COL4A2: variants seen among roughly 807,000 people sequenced by gnomAD.
COL4A2 encodes collagen type IV alpha 2 chain.
Under a neutral mutation model 200.2 loss-of-function variants are expected in COL4A2, and 99 were observed. The ratio of observed to expected loss-of-function variants is 0.49; its 90% CI spans 0.42 to 0.58. The LOEUF is 0.58. COL4A2 is among the 20% of genes least tolerant of loss of function. The pLI is 0.00. For synonymous variants in COL4A2, 897 were observed against 900.6 expected (o/e 1.00, Z 0.07); for missense variants, 1,950 against 2,314.1 (o/e 0.84, Z 3.23).
intron 6 of COL4A2, among the ~76,000 whole-genome samples, chr13:110,426,612 G>A (rs1880479228): frequency 6.6e-6 from 1 of 152,158 alleles, no homozygotes; most frequent in Non-Finnish European, 1.5e-5. Flanking sequence ...ATATAGCAGT[G>A]AATCTAATTT....
chr13:110,456,566 A>G, intron 20 of COL4A2: 1 of 358,914 alleles, frequency 2.8e-6, no homozygotes, highest in Non-Finnish European at 5.5e-6. Context: ...GCAGACTCTT[A>G]TATTTCTTTC....
chr13:110,417,929 T>A (rs1880104394), intron 4 of COL4A2, among the ~76,000 whole-genome samples: 1 of 152,072 alleles, frequency 6.6e-6, no homozygotes, highest in Non-Finnish European at 1.5e-5. Context: ...GGAGTGGGAT[T>A]GTTGGGTCCT....
chr13:110,504,198 TC>T lies in COL4A2; in HGVS notation c.4337del (p.Ser1446LeufsTer13). ...KAGPQGRGGV[S>X]AVPGFRGDEG... ...TGGGCCCCAAGGAAGAGGTGGTGTG[TC>T]TGCTGTTCCCGGCTTCCGGGGAGAT... On this transcript the variant is annotated frameshift_variant, in exon 45 of 48. Coordinates refer to ENST00000360467, the MANE Select transcript of COL4A2 (RefSeq NM_001846.4). LOFTEE classifies it high-confidence loss of function. The T allele has an allele frequency of 6.2e-7, 1 of 1,614,106 alleles. No homozygotes were observed. Among genetic ancestry groups the T allele is most frequent in the Non-Finnish European group, 8.5e-7 (1 of 1,180,008 alleles).
chr13:110,356,354 A>G (rs901149778), intron 3 of COL4A2, among the ~76,000 whole-genome samples: 1 of 152,174 alleles, frequency 6.6e-6, no homozygotes, highest in Non-Finnish European at 1.5e-5. Context: ...AAGAAAGTGG[A>G]CTTCCTCTGC....
In COL4A2 at chr13:110,458,853, A is replaced by G. The variant is rs765359924; in HGVS notation, c.1515A>G (p.Ala505=). The G allele has an allele frequency of 1.9e-6, 3 of 1,613,504 alleles. No homozygotes were observed. The highest frequency in any genetic ancestry group is 4.5e-5 in the East Asian group (2 of 44,830). The change falls in exon 22 of 48, where the codon GCA becomes GCG. Residue 505 remains alanine, a synonymous_variant. Coordinates refer to ENST00000360467, the MANE Select transcript of COL4A2 (RefSeq NM_001846.4). ...LPGLPGPKGF[A]GINGEPGRKG... ...GACTGCCAGGACCCAAGGGCTTCGC[A>G]GGCATCAACGGGGAGCCGGGGAGGA...
At chr13:110,469,052 G>A (rs542231596) in intron 27 of COL4A2, among the ~76,000 whole-genome samples, 165 bp from the exon 28 acceptor site, 1 of 152,294 alleles carries the variant, frequency 6.6e-6, no homozygotes, top group South Asian at 2.1e-4. Context: ...TTTAAACACT[G>A]AAAATCATTC....
chr13:110,349,794 C>T (rs933502128), intron 3 of COL4A2, among the ~76,000 whole-genome samples: 1 of 151,716 alleles, frequency 6.6e-6, no homozygotes, highest in Admixed American at 6.6e-5. Flanking sequence ...GACACAGTCT[C>T]ACTCCGTCAC....
chr13:110,493,826 G>C (rs1029343332), intron 39 of COL4A2, among the ~76,000 whole-genome samples: 2 of 151,880 alleles, frequency 1.3e-5, no homozygotes, highest in African/African-American at 2.4e-5. Context: ...TTCTGGGGGG[G>C]GCCGCGTCCT....
intron 16 of COL4A2, among the ~76,000 whole-genome samples, chr13:110,441,019 G>C (rs80254748): frequency 0.01 from 1,582 of 152,296 alleles, 20 homozygotes; most frequent in African/African-American, 0.034. Flanking sequence ...ATTTCCTTAC[G>C]CCCTCGAGGT....
intron 4 of COL4A2, among the ~76,000 whole-genome samples, chr13:110,404,236 C>T (rs1879480998): frequency 6.6e-6 from 1 of 152,212 alleles, no homozygotes; most frequent in Admixed American, 6.5e-5. Flanking sequence ...TAGTATTGCT[C>T]ATTGCCTTTT....
In COL4A2 at chr13:110,331,677, A is replaced by G. The variant is rs78155268; in HGVS notation, c.99+23554A>G. Among the ~76,000 whole-genome samples the G allele has an allele frequency of 4.7e-4, 72 of 152,278 alleles. No individual in the cohort carries two copies. The East Asian group carries it at 0.014, about 29-fold the overall frequency. ...AGGAGGAATGGAGGCAATATTCCAA[A>G]CACCGACTCAAAACCACCAACAAAA... On this transcript the variant is annotated intron_variant, in intron 3 of 47. Transcript: ENST00000360467.
At position 110,508,327 on chromosome 13, in the gene COL4A2, C is replaced by G. The variant is rs527297409; in HGVS notation, c.4881+106C>G. ...ATCAGACACGGCAGTCCAGGGTGTG[C>G]ACTGCACAAGGGTAGTTGGCCCAGG... On this transcript the variant is annotated intron_variant, in intron 47 of 47. Coordinates refer to ENST00000360467, the MANE Select transcript of COL4A2 (RefSeq NM_001846.4). The surrounding 1 kb of genome is among the most constrained non-coding windows in gnomAD (Gnocchi z 6.1). The G allele has an allele frequency of 7.2e-6, 11 of 1,531,312 alleles. No homozygotes were observed. The East Asian group carries it at 2.5e-4, about 35-fold the overall frequency. The allele number at this position is 1,531,312 out of a possible 1,614,324, so 94.9% of individuals were successfully genotyped here.
At chr13:110,358,109 G>T (rs1048199219) in intron 4 of COL4A2, among the ~76,000 whole-genome samples, 39 of 152,156 alleles carry the variant, frequency 2.6e-4, no homozygotes, top group African/African-American at 9.2e-4. Flanking sequence ...GACTGTTTTT[G>T]CAATAACACT....
At chr13:110,479,607 C>G (rs1310460770) in intron 30 of COL4A2, among the ~76,000 whole-genome samples, 1 of 152,120 alleles carries the variant, frequency 6.6e-6, no homozygotes, top group African/African-American at 2.4e-5. Context: ...GTTGGAGCCC[C>G]GAGGCAGAGG....
chr13:110,446,934 T>C, intron 18 of COL4A2, 70 bp downstream of exon 18: 2 of 1,313,384 alleles, frequency 1.5e-6, no homozygotes, highest in Non-Finnish European at 2.1e-6. Context: ...GACACAGAGC[T>C]ATGAACTTTC....
intron 4 of COL4A2, among the ~76,000 whole-genome samples, chr13:110,383,229 G>GA (rs1219890724): frequency 2.6e-5 from 4 of 152,126 alleles, no homozygotes; most frequent in African/African-American, 9.7e-5. Context: ...ACAGGGTCCG[G>GA]AAAAAACAAA....
In COL4A2 at chr13:110,450,375, C is replaced by G. The variant is rs1402548952; in HGVS notation, c.1260C>G (p.Leu420=). 1 of 1,613,790 alleles carries G rather than the reference C, an allele frequency of 6.2e-7. No individual in the cohort carries two copies. The highest frequency in any genetic ancestry group is 8.5e-7 in the Non-Finnish European group (1 of 1,179,760). Residue 420 remains leucine (L), a synonymous_variant, in exon 20 of 48, where the codon CTC becomes CTG. Transcript: ENST00000360467. ...GFIGDPGIPA[L]YGGPPGPDGK... The stretch of plus-strand genomic sequence containing the variant: ...TCGGAGACCCCGGCATCCCTGCGCT[C>G]TACGGGGGCCCACCTGGACCTGATG...
chr13:110,503,219 G>A lies in COL4A2; in HGVS notation c.3976G>A (p.Gly1326Arg), dbSNP rs1288983568. ...AGCTCCAGGAACCCCAGGGACCAAA[G>A]GATGGGCCGGGGACTCCGGGCCCCA... ...PGAPGTPGTK[G>R]WAGDSGPQGR... is the part of the protein sequence containing the mutation. The change falls in exon 42 of 48, where the codon GGA (glycine) becomes AGA (arginine). Residue 1326 changes from glycine (G) to arginine (R), a missense_variant. Physicochemically the swap from Gly to Arg is moderately radical, Grantham distance 125. Around this residue, in one of 2 missense-constraint regions of COL4A2, gnomAD observed 1,385 missense variants for 1,720.5 expected, o/e 0.80. Coordinates refer to ENST00000360467, the MANE Select transcript of COL4A2 (RefSeq NM_001846.4). 6.2e-7 allele frequency: 1 copy of A among 1,613,960 alleles called. No individual in the cohort carries two copies. Among genetic ancestry groups the A allele is most frequent in the South Asian group, 1.1e-5 (1 of 91,084 alleles).
At chr13:110,446,629 C>T (rs1180295038) in intron 17 of COL4A2, among the ~76,000 whole-genome samples, 169 bp from the exon 18 acceptor site, 1 of 152,226 alleles carries the variant, frequency 6.6e-6, no homozygotes, top group East Asian at 1.9e-4. Flanking sequence ...GGCTCTGCCA[C>T]CCTAGCATGG....
Sources: allele counts gnomAD v4.1 joint callset (sites outside exome capture counted in the v4.1 genomes callset), GRCh38; gene constraint gnomAD v4.1.1; regional missense constraint gnomAD v4.1.1; non-coding constraint Gnocchi (gnomAD v3.1); transcripts MANE v1.5; gene names NCBI Gene and HGNC (gene_info 2026-07-23, HGNC 2026-07-21).